The following FRMD4A variants were observed in gnomAD, a reference collection of about 807,000 sequenced individuals.
The protein encoded by FRMD4A is FERM domain containing 4A.
Under a neutral mutation model 129.1 loss-of-function variants are expected in FRMD4A, and 29 were observed. That is an observed-to-expected ratio of 0.22 (90% CI 0.17 to 0.31). The LOEUF (loss-of-function observed/expected upper bound fraction) is 0.31. Among genes scored for constraint, FRMD4A ranks in the 10% least tolerant of loss-of-function variants. The pLI is 1.00. For missense variants in FRMD4A, 1,272 were observed against 1,375.8 expected (o/e 0.92, Z 1.19); for synonymous variants, 634 against 571.6 (o/e 1.11, Z -1.56).
At chr10:13,936,378 T>C (rs2095249187) in intron 2 of FRMD4A, among the ~76,000 whole-genome samples, 1 of 152,198 alleles carries the variant, frequency 6.6e-6, no homozygotes, top group Admixed American at 6.5e-5. Context: ...TTGGGTGGAC[T>C]GAAAAGAATG....
At chr10:13,870,310 C>T (rs751433632) in intron 2 of FRMD4A, among the ~76,000 whole-genome samples, 2 of 152,230 alleles carry the variant, frequency 1.3e-5, no homozygotes, top group Non-Finnish European at 2.9e-5. Flanking sequence ...TCTCTGACAT[C>T]GGCCTCACCT....
chr10:13,669,072 T>G (rs1589284019), intron 17 of FRMD4A, among the ~76,000 whole-genome samples: 2 of 147,636 alleles, frequency 1.4e-5, no homozygotes, highest in Non-Finnish European at 3.0e-5. Flanking sequence ...TTTTTTTTTT[T>G]TTTTTTTTTT....
At chr10:14,090,302 C>A (rs746859594) in intron 2 of FRMD4A, among the ~76,000 whole-genome samples, 17 of 151,984 alleles carry the variant, frequency 1.1e-4, no homozygotes, top group Middle Eastern at 3.4e-3. Context: ...CTGTGCCACA[C>A]AGATGTGAGA....
Position 13,729,877 on chromosome 10 carries a change from T to C in FRMD4A, c.759+7967A>G, listed in dbSNP as rs11258562. 0.011 allele frequency among the ~76,000 whole-genome samples: 1,622 copies of C among 152,382 alleles called. 69 individuals are homozygous for C. In the East Asian group the frequency reaches 0.12, roughly 11 times the overall value. On this transcript the variant is annotated intron_variant, in intron 12 of 24. Coordinates refer to ENST00000357447, the MANE Select transcript of FRMD4A (RefSeq NM_018027.5). ...GAGATTTCATTAAATCTGGGCTGCA[T>C]TTCTAAGTGATGATTTACAGATATT...
chr10:14,017,470 G>A (rs920509492), intron 2 of FRMD4A, among the ~76,000 whole-genome samples: 1 of 152,196 alleles, frequency 6.6e-6, no homozygotes, highest in Non-Finnish European at 1.5e-5. Context: ...TCCAAACAGA[G>A]CCAATAGCTG....
intron 2 of FRMD4A, 92 bp from the exon 3 acceptor site, chr10:13,859,004 C>T: frequency 2.5e-6 from 2 of 797,446 alleles, no homozygotes; most frequent in Non-Finnish European, 4.5e-6. Context: ...CAGGCATATT[C>T]CTCTGGGCAA....
At chr10:14,238,898 G>A (rs1169891066) in intron 2 of FRMD4A, among the ~76,000 whole-genome samples, 2 of 152,208 alleles carry the variant, frequency 1.3e-5, no homozygotes, top group Non-Finnish European at 2.9e-5. Flanking sequence ...ATTCCATGGT[G>A]TATATGTGCC....
intron 3 of FRMD4A, among the ~76,000 whole-genome samples, chr10:13,824,536 C>T (rs1197232864): frequency 2.0e-5 from 3 of 151,314 alleles, no homozygotes; most frequent in Admixed American, 6.6e-5. Context: ...AAAACCAATA[C>T]ACCAATAATA....
intron 2 of FRMD4A, among the ~76,000 whole-genome samples, chr10:13,933,341 C>T (rs936107144): frequency 2.6e-5 from 4 of 152,162 alleles, no homozygotes; most frequent in African/African-American, 4.8e-5. Context: ...CCAATGGAAT[C>T]GTCTGGAAGG....
At chr10:14,272,251 G>A (rs1016405986) in intron 2 of FRMD4A, among the ~76,000 whole-genome samples, 8 of 152,134 alleles carry the variant, frequency 5.3e-5, no homozygotes, top group Non-Finnish European at 1.0e-4. Flanking sequence ...TGGCCATGCT[G>A]GCTCTGAACC....
chr10:14,261,526 T>C (rs888475242), intron 2 of FRMD4A, among the ~76,000 whole-genome samples: 1 of 152,188 alleles, frequency 6.6e-6, no homozygotes, highest in African/African-American at 2.4e-5. Context: ...GAAACAGCTC[T>C]CAGAGAAGCA....
intron 2 of FRMD4A, among the ~76,000 whole-genome samples, chr10:14,076,876 C>A (rs1835641322): frequency 6.6e-6 from 1 of 152,140 alleles, no homozygotes; most frequent in African/African-American, 2.4e-5. Flanking sequence ...TGGTCCTTGT[C>A]CTCAATAAGC....
At chr10:14,000,799 G>T (rs1013781822) in intron 2 of FRMD4A, among the ~76,000 whole-genome samples, 2 of 152,042 alleles carry the variant, frequency 1.3e-5, no homozygotes, top group Non-Finnish European at 2.9e-5. Flanking sequence ...AAGCATACAG[G>T]AGAAGCTAGA....
intron 2 of FRMD4A, among the ~76,000 whole-genome samples, chr10:14,016,696 A>C (rs1565187050): frequency 6.6e-6 from 1 of 152,224 alleles, no homozygotes; most frequent in South Asian, 2.1e-4. Context: ...AAAATCACAC[A>C]TGACAAAGGA....
At chr10:14,215,927 G>A (rs1191004357) in intron 2 of FRMD4A, among the ~76,000 whole-genome samples, 1 of 151,908 alleles carries the variant, frequency 6.6e-6, no homozygotes, top group Non-Finnish European at 1.5e-5. Context: ...TTACTCTCCT[G>A]CTCAGGTTCT....
chr10:14,061,327 C>T (rs1307269824), intron 2 of FRMD4A, among the ~76,000 whole-genome samples: 1 of 152,094 alleles, frequency 6.6e-6, no homozygotes. Context: ...TGATGTGCAC[C>T]TGCAATCCCA....
chr10:14,084,467 A>G (rs1831049), intron 2 of FRMD4A, among the ~76,000 whole-genome samples: 88,320 of 151,994 alleles, frequency 0.58, 26,724 homozygotes, highest in East Asian at 0.84. Context: ...ATTAATATAT[A>G]CCCTCCTGTA....
At chr10:14,199,969 T>C (rs1842586763) in intron 2 of FRMD4A, among the ~76,000 whole-genome samples, 2 of 150,564 alleles carry the variant, frequency 1.3e-5, no homozygotes, top group South Asian at 4.2e-4. Context: ...GTTTACATTG[T>C]GGAATGATTA....
chr10:13,657,568 C>T (rs2082274537), intron 21 of FRMD4A, 46 bp from the exon 22 acceptor site: 1 of 1,426,478 alleles, frequency 7.0e-7, no homozygotes, highest in Non-Finnish European at 9.2e-7. Context: ...GGAGTGGGCC[C>T]AAGGAGGGGT....
Sources: allele counts gnomAD v4.1 joint callset (sites outside exome capture counted in the v4.1 genomes callset), GRCh38; gene constraint gnomAD v4.1.1; transcripts MANE v1.5; gene names NCBI Gene and HGNC (gene_info 2026-07-23, HGNC 2026-07-21).